Variants in SKAP1 observed in about 807,000 individuals in gnomAD.
The protein encoded by SKAP1 is src kinase-associated phosphoprotein 1.
A neutral mutation model predicts 58.5 loss-of-function variants in SKAP1; 44 were observed. That is an observed-to-expected ratio of 0.75 (90% CI 0.59 to 0.97). The LOEUF is 0.97. SKAP1 is among the 50% of genes least tolerant of loss of function. The pLI is 0.00. For missense variants in SKAP1, 390 were observed against 435.2 expected, an observed-to-expected ratio of 0.90 and a Z score of 0.92; for synonymous variants, 127 against 149.7, an observed-to-expected ratio of 0.85 and a Z score of 1.11.
chr17:48,218,366 T>C (rs1567825148), intron 4 of SKAP1, among the ~76,000 whole-genome samples: 1 of 152,148 alleles, frequency 6.6e-6, no homozygotes, highest in East Asian at 1.9e-4. Flanking sequence ...TTTTACAACC[T>C]CTCTTTGCCT....
rs117851665 is a variant in SKAP1, at chr17:48,252,496, T to A, written c.281-62996A>T. Among the ~76,000 whole-genome samples, 103 of 152,330 alleles carry A rather than the reference T, an allele frequency of 6.8e-4. 3 individuals are homozygous for A. In the East Asian group the frequency reaches 0.016, roughly 23 times the overall value. The stretch of plus-strand genomic sequence containing the variant: ...ACTTTGCCTGTACTTTACATATATA[T>A]CTGAGAAGGCAACCAGTGACTTCTA... On this transcript the variant is annotated intron_variant, in intron 4 of 12. Transcript: ENST00000336915.
chr17:48,336,759 C>T (rs1423700316), intron 4 of SKAP1, among the ~76,000 whole-genome samples: 2 of 152,046 alleles, frequency 1.3e-5, no homozygotes, highest in Non-Finnish European at 2.9e-5. Flanking sequence ...TTAGATAACT[C>T]AAAGTAATTT....
intron 1 of SKAP1, among the ~76,000 whole-genome samples, chr17:48,428,022 C>A (rs545744937): frequency 3.3e-5 from 5 of 152,164 alleles, no homozygotes; most frequent in African/African-American, 1.2e-4. Flanking sequence ...CTGGTCTACA[C>A]CAGCGACTGT....
At chr17:48,323,983 T>G (rs1409071029) in intron 4 of SKAP1, among the ~76,000 whole-genome samples, 1 of 152,140 alleles carries the variant, frequency 6.6e-6, no homozygotes, top group South Asian at 2.1e-4. Flanking sequence ...GATTCTCATG[T>G]ATTCTGAGCT....
chr17:48,218,472 T>C (rs1399358484), intron 4 of SKAP1, among the ~76,000 whole-genome samples: 1 of 152,242 alleles, frequency 6.6e-6, no homozygotes. Context: ...AATAATTTCA[T>C]AAACACTATG....
At chr17:48,394,266 C>A (rs12937347) in intron 2 of SKAP1, among the ~76,000 whole-genome samples, 93,859 of 151,970 alleles carry the variant, frequency 0.62, 29,736 homozygotes, top group African/African-American at 0.76. Context: ...TAAAAAGAAA[C>A]CCTTTTAAAT....
At chr17:48,348,872 TG>T (rs1370965038) in intron 3 of SKAP1, among the ~76,000 whole-genome samples, 4 of 152,332 alleles carry the variant, frequency 2.6e-5, no homozygotes, top group African/African-American at 9.6e-5. Context: ...ACAGTTCCTC[TG>T]TAAAGTACAC....
At chr17:48,292,831 T>C (rs1383733501) in intron 4 of SKAP1, among the ~76,000 whole-genome samples, 1 of 152,178 alleles carries the variant, frequency 6.6e-6, no homozygotes, top group Non-Finnish European at 1.5e-5. Context: ...CATAAGGAAG[T>C]TAAGCAAAGT....
intron 11 of SKAP1, among the ~76,000 whole-genome samples, chr17:48,142,817 G>C (rs1438435469): frequency 2.0e-5 from 3 of 151,924 alleles, no homozygotes; most frequent in African/African-American, 7.3e-5. Context: ...TTCTTGTTTT[G>C]TTTTTTGAGA....
chr17:48,225,006 G>A (rs2065050824), intron 4 of SKAP1, among the ~76,000 whole-genome samples: 1 of 152,144 alleles, frequency 6.6e-6, no homozygotes, highest in Non-Finnish European at 1.5e-5. Flanking sequence ...ATTTGGAAAG[G>A]ACTACAAATA....
At chr17:48,377,064 A>AG (rs1172509773) in intron 2 of SKAP1, among the ~76,000 whole-genome samples, 1 of 152,116 alleles carries the variant, frequency 6.6e-6, no homozygotes, top group African/African-American at 2.4e-5. Context: ...AGTAAGGGAC[A>AG]GGGTAGGATA....
chr17:48,359,004 G>T (rs546253942), intron 3 of SKAP1, among the ~76,000 whole-genome samples: 1 of 152,114 alleles, frequency 6.6e-6, no homozygotes, highest in African/African-American at 2.4e-5. Flanking sequence ...TAAAAAATCA[G>T]TTCACTATTC....
At chr17:48,339,876 C>G (rs1176076462) in intron 4 of SKAP1, among the ~76,000 whole-genome samples, 2 of 152,076 alleles carry the variant, frequency 1.3e-5, no homozygotes, top group African/African-American at 2.4e-5. Flanking sequence ...ATTTTTTATA[C>G]TCACTGAGTA....
intron 4 of SKAP1, among the ~76,000 whole-genome samples, chr17:48,314,896 A>G (rs1179830217): frequency 6.6e-6 from 1 of 152,236 alleles, no homozygotes; most frequent in Non-Finnish European, 1.5e-5. Context: ...GCTGGGATCC[A>G]TGTTAAAAAT....
At chr17:48,330,409 G>A (rs2144262599) in intron 4 of SKAP1, among the ~76,000 whole-genome samples, 1 of 152,304 alleles carries the variant, frequency 6.6e-6, no homozygotes, top group East Asian at 1.9e-4. Context: ...TACTATCACT[G>A]TCACCAACAA....
At chr17:48,282,030 A>T (rs2065772598) in intron 4 of SKAP1, among the ~76,000 whole-genome samples, 1 of 152,200 alleles carries the variant, frequency 6.6e-6, no homozygotes, top group Non-Finnish European at 1.5e-5. Flanking sequence ...TTCTTCATGC[A>T]CCGATAAGAA....
chr17:48,213,689 C>T (rs1286889976), intron 4 of SKAP1, among the ~76,000 whole-genome samples: 1 of 152,200 alleles, frequency 6.6e-6, no homozygotes, highest in African/African-American at 2.4e-5. Context: ...TTCCCACCCC[C>T]AGCTGAGTTG....
chr17:48,181,822 T>C (rs1230401563), intron 8 of SKAP1, among the ~76,000 whole-genome samples: 3 of 152,186 alleles, frequency 2.0e-5, no homozygotes, highest in Admixed American at 6.5e-5. Context: ...CTGCTTTGCC[T>C]ACAGGCTGGC....
At chr17:48,189,569 G>A (rs1432120722) in intron 4 of SKAP1, 69 bp from the exon 5 acceptor site, 2 of 1,106,672 alleles carry the variant, frequency 1.8e-6, no homozygotes, top group African/African-American at 1.6e-5. Flanking sequence ...GGCTACTTTA[G>A]GTAATTCACA....
Sources: allele counts gnomAD v4.1 joint callset (sites outside exome capture counted in the v4.1 genomes callset), GRCh38; gene constraint gnomAD v4.1.1; transcripts MANE v1.5; gene names NCBI Gene and HGNC (gene_info 2026-07-23, HGNC 2026-07-21).